Variants in ABCF1 observed in about 807,000 individuals in gnomAD.
ABCF1 encodes the protein ATP binding cassette subfamily F member 1, also known as ATP-binding cassette sub-family F member 1.
In ABCF1, 73 loss-of-function variants were observed where a neutral mutation model predicts 126.3. The ratio of observed to expected loss-of-function variants is 0.58; its 90% CI spans 0.48 to 0.70. The LOEUF is 0.70. ABCF1 is among the 30% of genes least tolerant of loss of function. The pLI is 0.00. For synonymous variants in ABCF1, 345 were observed against 396.4 expected, an observed-to-expected ratio of 0.87 and a Z score of 1.54; for missense variants, 786 against 1,057.5, an observed-to-expected ratio of 0.74 and a Z score of 3.56.
Position 30,578,130 on chromosome 6 carries a change from G to T in ABCF1, c.271G>T (p.Asp91Tyr), listed in dbSNP as rs143964760. 1 of 1,614,044 alleles carries T rather than the reference G, an allele frequency of 6.2e-7. No homozygotes were observed. Among genetic ancestry groups the T allele is most frequent in the African/African-American group, 1.3e-5 (1 of 74,914 alleles). ...CAGGCGGAAGAAGGATGTGGATGAT[G>T]ATGGAGAAGAGAAAGAGCTCATGGA... ...KGRRKKDVDD[D>Y]GEEKELMERL... The change falls in exon 4 of 25, where the codon GAT (aspartate) becomes TAT (tyrosine). Residue 91 changes from aspartate (D) to tyrosine (Y), a missense_variant. Coordinates refer to ENST00000326195, the MANE Select transcript of ABCF1 (RefSeq NM_001025091.2).
In ABCF1 at chr6:30,590,308, C is replaced by T. The variant is rs748456904; in HGVS notation, c.2301C>T (p.Asp767=). Residue 767 remains aspartate, a splice_region_variant and synonymous_variant, in exon 24 of 25, where the codon GAC becomes GAT. Coordinates refer to ENST00000326195, the MANE Select transcript of ABCF1 (RefSeq NM_001025091.2). ...GTCATGGAATTCCTCCTATGTAGGA[C>T]GAGCCAACCAATAACCTGGACATAG... The part of the protein sequence containing the change: ...ACREPDVLIL[D]EPTNNLDIES... The T allele has an allele frequency of 3.1e-6, 5 of 1,611,854 alleles. No individual in the cohort carries two copies. The highest frequency in any genetic ancestry group is 4.2e-6 in the Non-Finnish European group (5 of 1,179,176).
At chr6:30,582,584 C>G (rs1050553690) in intron 9 of ABCF1, 77 bp downstream of exon 9, 8 of 1,485,692 alleles carry the variant, frequency 5.4e-6, no homozygotes, top group Non-Finnish European at 7.4e-6. Context: ...ATTGGGGACA[C>G]GAAGGAAAGG....
chr6:30,586,600 T>C lies in ABCF1; in HGVS notation c.1961-41T>C. On this transcript the variant is annotated intron_variant, in intron 19 of 24. Transcript: ENST00000326195. This position sits in a 1 kb window ranked among gnomAD's most constrained non-coding sequence, Gnocchi z 4.9. ...TGTGTAGCAGGAGCCACAGGGAGAG[T>C]CTCTGGGGACCTCTTTGACCACCTG... The C allele has an allele frequency of 6.2e-7, 1 of 1,612,170 alleles. No individual in the cohort carries two copies. Among genetic ancestry groups the C allele is most frequent in the Non-Finnish European group, 8.5e-7 (1 of 1,179,600 alleles).
chr6:30,585,134 A>C (rs1802040660), intron 14 of ABCF1, 126 bp from the exon 15 acceptor site: 1 of 864,046 alleles, frequency 1.2e-6, no homozygotes, highest in Non-Finnish European at 1.9e-6. Context: ...CTGCCCGAGA[A>C]CTTCTCTGAG....
At chr6:30,588,008 T>G (rs6941249) in intron 20 of ABCF1, among the ~76,000 whole-genome samples, 3 of 151,970 alleles carry the variant, frequency 2.0e-5, no homozygotes, top group African/African-American at 7.2e-5. Flanking sequence ...GTTCAAGATA[T>G]TCTCCTGCCT....
intron 1 of ABCF1, among the ~76,000 whole-genome samples, chr6:30,576,366 C>T (rs1253218603): frequency 7.2e-6 from 1 of 139,166 alleles, no homozygotes; most frequent in Non-Finnish European, 1.5e-5. Context: ...CAGCTCACTG[C>T]AACCTCCGCC....
rs1801380489 is a variant in ABCF1, at chr6:30,574,082, T to C, written c.73+2522T>C. ...CTCACAATGAAACTCTTCGGAGGCT[T>C]TTCCTGTCCCTATAATGAAGTGGAT... On this transcript the variant is annotated intron_variant, in intron 1 of 24. Transcript: ENST00000326195. The surrounding 1 kb of genome is among the most constrained non-coding windows in gnomAD (Gnocchi z 4.3). Among the ~76,000 whole-genome samples the C allele has an allele frequency of 6.6e-6, 1 of 152,126 alleles. No homozygotes were observed. The highest frequency in any genetic ancestry group is 1.5e-5 in the Non-Finnish European group (1 of 68,006).
At chr6:30,580,040 C>G in intron 7 of ABCF1, 35 bp downstream of exon 7, 1 of 1,602,764 alleles carries the variant, frequency 6.2e-7, no homozygotes, top group Non-Finnish European at 8.5e-7. Flanking sequence ...GGTATTGGGG[C>G]CCAGGAATTA....
intron 24 of ABCF1, 45 bp from the exon 25 acceptor site, chr6:30,590,488 CTT>C: frequency 6.3e-7 from 1 of 1,587,196 alleles, no homozygotes; most frequent in Non-Finnish European, 8.6e-7. Flanking sequence ...TGATTCCCCT[CTT>C]TCTCCTTTCT....
intron 1 of ABCF1, 29 bp downstream of exon 1, chr6:30,571,589 G>A: frequency 1.2e-6 from 2 of 1,601,598 alleles, no homozygotes; most frequent in Non-Finnish European, 1.7e-6. Flanking sequence ...GAAGAAACGA[G>A]CAGAGGGGGA....
chr6:30,578,487 A>T lies in ABCF1; in HGVS notation c.399A>T (p.Ala133=). Residue 133 remains alanine (A), a synonymous_variant, in exon 6 of 25, where the codon GCA becomes GCT. Coordinates refer to ENST00000326195, the MANE Select transcript of ABCF1 (RefSeq NM_001025091.2). ...GKKTKGGNVF[A]ALIQDQSEEE... is the part of the protein sequence containing the mutation. Reference sequence around the variant, plus strand: ...TTCTCTAGGGTGGTAATGTTTTTGCAGCCCTGATTCAGGATCAGAGTGAGG... The same window carrying T: ...TTCTCTAGGGTGGTAATGTTTTTGCTGCCCTGATTCAGGATCAGAGTGAGG... 1.2e-6 allele frequency: 2 copies of T among 1,614,010 alleles called. No homozygotes were observed. Among genetic ancestry groups the T allele is most frequent in the Non-Finnish European group, 1.7e-6 (2 of 1,180,002 alleles).
chr6:30,572,537 T>G (rs558545048), intron 1 of ABCF1, among the ~76,000 whole-genome samples: 1 of 152,204 alleles, frequency 6.6e-6, no homozygotes, highest in East Asian at 1.9e-4. Context: ...ACATTGTAGC[T>G]CCATCACCCA....
At chr6:30,573,801 G>A (rs1032009219) in intron 1 of ABCF1, among the ~76,000 whole-genome samples, 4 of 152,216 alleles carry the variant, frequency 2.6e-5, no homozygotes, top group Admixed American at 2.6e-4. Context: ...CAGAAGTAGT[G>A]TTCATTCGGA....
chr6:30,579,915 T>A lies in ABCF1; in HGVS notation c.490-16T>A. ...TTTGTATGTATGTGTGTAATGTGTA[T>A]GTGTGTCTCCTCCAGGCCGTATCTG... On this transcript the variant is annotated splice_polypyrimidine_tract_variant and intron_variant, in intron 6 of 24. Transcript: ENST00000326195. 1.2e-6 allele frequency: 2 copies of A among 1,612,048 alleles called. No individual in the cohort carries two copies. The highest frequency in any genetic ancestry group is 1.7e-6 in the Non-Finnish European group (2 of 1,179,394).
Position 30,584,501 on chromosome 6 carries a change from T to A in ABCF1, c.1326T>A (p.Pro442=). The part of the protein sequence containing the change: ...RRILAGLGFD[P]EMQNRPTQKF... ...TCCTGGCTGGCCTGGGCTTTGACCC[T>A]GAAATGCAGAATCGACCCACACAGA... Residue 442 remains proline (P), a synonymous_variant, in exon 14 of 25, where the codon CCT becomes CCA. Coordinates refer to ENST00000326195, the MANE Select transcript of ABCF1 (RefSeq NM_001025091.2). The surrounding 1 kb of genome is among the most constrained non-coding windows in gnomAD (Gnocchi z 4.6). 1 of 1,612,936 alleles carries A rather than the reference T, an allele frequency of 6.2e-7. No individual in the cohort carries two copies. Among genetic ancestry groups the A allele is most frequent in the Non-Finnish European group, 8.5e-7 (1 of 1,179,996 alleles).
chr6:30,571,472 T>G lies in ABCF1; in HGVS notation c.-16T>G. 6.2e-7 allele frequency: 1 copy of G among 1,607,216 alleles called. No homozygotes were observed. Among genetic ancestry groups the G allele is most frequent in the Non-Finnish European group, 8.5e-7 (1 of 1,177,770 alleles). On this transcript the variant is annotated 5_prime_UTR_variant, in exon 1 of 25. Transcript: ENST00000326195. ...TAGCACCGGGCGCCGCCACAGTAGC[T>G]GTAACTGCCACCGCGATGCCGAAGG...
At chr6:30,579,812 G>A (rs1352169164) in intron 6 of ABCF1, 119 bp from the exon 7 acceptor site, 5 of 934,802 alleles carry the variant, frequency 5.3e-6, no homozygotes, top group African/African-American at 5.2e-5. Flanking sequence ...GCAACCTGTC[G>A]TAAATGGAGG....
chr6:30,585,175 A>G (rs1453776234), intron 14 of ABCF1, 85 bp from the exon 15 acceptor site: 16 of 1,204,900 alleles, frequency 1.3e-5, no homozygotes, highest in Non-Finnish European at 1.9e-5. Context: ...TCATGGTCTC[A>G]GGCTCTATCT....
chr6:30,578,061 T>G lies in ABCF1; in HGVS notation c.217-15T>G. The G allele has an allele frequency of 6.2e-7, 1 of 1,613,976 alleles. No homozygotes were observed. Among genetic ancestry groups the G allele is most frequent in the Non-Finnish European group, 8.5e-7 (1 of 1,179,992 alleles). On this transcript the variant is annotated splice_polypyrimidine_tract_variant and intron_variant, in intron 3 of 24. Coordinates refer to ENST00000326195, the MANE Select transcript of ABCF1 (RefSeq NM_001025091.2). ...CCTGGGCTTCATTTTCTCACTGTTCTTTTGCTCTCAGCAGCAAAAAAAAAA... is the reference window on the plus strand; with the variant it reads ...CCTGGGCTTCATTTTCTCACTGTTCGTTTGCTCTCAGCAGCAAAAAAAAAA...
Sources: allele counts gnomAD v4.1 joint callset (sites outside exome capture counted in the v4.1 genomes callset), GRCh38; gene constraint gnomAD v4.1.1; non-coding constraint Gnocchi (gnomAD v3.1); transcripts MANE v1.5; gene names NCBI Gene and HGNC (gene_info 2026-07-23, HGNC 2026-07-21).